Variants in DNER observed in about 807,000 individuals in gnomAD.
DNER encodes delta/notch like EGF repeat containing.
A neutral mutation model predicts 78.2 loss-of-function variants in DNER; 33 were observed. The observed-to-expected ratio is 0.42, with a 90% CI of 0.32 to 0.56. The LOEUF is 0.56. Among genes scored for constraint, DNER ranks in the 20% least tolerant of loss-of-function variants. The pLI is 0.11. For synonymous variants in DNER, 417 were observed against 384.8 expected, an observed-to-expected ratio of 1.08 and a Z score of -0.98; for missense variants, 918 against 975.3, an observed-to-expected ratio of 0.94 and a Z score of 0.78.
chr2:229,384,069 C>A lies in DNER; in HGVS notation c.1855+4196G>T, dbSNP rs563766660. On this transcript the variant is annotated intron_variant, in intron 11 of 12. Transcript: ENST00000341772. ...AATCATAAGAAACAGTCTCTCAGAC[C>A]ACAGTGCAATCAAATTAGAACTCAG... Among the ~76,000 whole-genome samples, 315 of 152,314 alleles carry A rather than the reference C, an allele frequency of 2.1e-3. 2 individuals are homozygous for A. The highest frequency in any genetic ancestry group is 7.0e-3 in the African/African-American group (290 of 41,570).
chr2:229,482,351 G>T (rs1031003670), intron 6 of DNER, among the ~76,000 whole-genome samples: 5 of 152,172 alleles, frequency 3.3e-5, no homozygotes, highest in African/African-American at 1.2e-4. Context: ...TAGCCAAAGA[G>T]ATCCTTTTAA....
intron 8 of DNER, among the ~76,000 whole-genome samples, chr2:229,442,697 A>C (rs932228828): frequency 6.6e-6 from 1 of 152,146 alleles, no homozygotes; most frequent in Non-Finnish European, 1.5e-5. Context: ...TTGCTATTAA[A>C]ATCCTGACCA....
At chr2:229,387,052 A>T (rs1311277540) in intron 11 of DNER, among the ~76,000 whole-genome samples, 1 of 152,218 alleles carries the variant, frequency 6.6e-6, no homozygotes, top group Non-Finnish European at 1.5e-5. Context: ...CATTGTTCAC[A>T]ACAGCAAAGA....
intron 8 of DNER, among the ~76,000 whole-genome samples, chr2:229,434,467 G>A (rs1694079404): frequency 6.6e-6 from 1 of 152,154 alleles, no homozygotes; most frequent in Admixed American, 6.6e-5. Context: ...ATTCAGCCTT[G>A]ATGCAACTGG....
chr2:229,411,056 G>A (rs190008534), intron 9 of DNER, among the ~76,000 whole-genome samples: 10 of 152,128 alleles, frequency 6.6e-5, no homozygotes, highest in East Asian at 5.8e-4. Flanking sequence ...CAGTCTGCTC[G>A]TCTGGTTAAA....
chr2:229,545,791 C>T (rs1373624365), intron 5 of DNER, among the ~76,000 whole-genome samples: 7 of 152,082 alleles, frequency 4.6e-5, no homozygotes, highest in Admixed American at 3.3e-4. Context: ...TTTCTGATGC[C>T]GGCTCCACAA....
At chr2:229,490,354 G>A (rs769429285) in intron 6 of DNER, among the ~76,000 whole-genome samples, 6 of 152,120 alleles carry the variant, frequency 3.9e-5, no homozygotes, top group Non-Finnish European at 8.8e-5. Context: ...GCGCATAAAG[G>A]GATAAACAAA....
At chr2:229,479,832 G>C (rs1048322309) in intron 6 of DNER, among the ~76,000 whole-genome samples, 2 of 151,926 alleles carry the variant, frequency 1.3e-5, no homozygotes, top group African/African-American at 4.8e-5. Flanking sequence ...TCAAATCCCT[G>C]ACTTTAAAGA....
At chr2:229,670,623 A>C (rs1011578502) in intron 1 of DNER, among the ~76,000 whole-genome samples, 1 of 152,246 alleles carries the variant, frequency 6.6e-6, no homozygotes, top group Non-Finnish European at 1.5e-5. Flanking sequence ...GGTAAGTCAA[A>C]ACTTTGTCTA....
chr2:229,360,557 C>T (rs563118844), intron 12 of DNER, among the ~76,000 whole-genome samples: 5 of 152,246 alleles, frequency 3.3e-5, no homozygotes, highest in African/African-American at 9.6e-5. Flanking sequence ...GGACTACAGG[C>T]GCCCGCCACC....
intron 5 of DNER, among the ~76,000 whole-genome samples, chr2:229,524,709 T>C (rs1443145077): frequency 6.6e-6 from 1 of 152,086 alleles, no homozygotes; most frequent in Non-Finnish European, 1.5e-5. Context: ...AAGAATCAAA[T>C]GCTGAAACAG....
intron 1 of DNER, among the ~76,000 whole-genome samples, chr2:229,602,468 A>C (rs1041285658): frequency 6.6e-6 from 1 of 152,204 alleles, no homozygotes; most frequent in African/African-American, 2.4e-5. Flanking sequence ...TGAGCACTGC[A>C]CTAAAGGTCC....
At chr2:229,366,238 A>G (rs911648167) in intron 12 of DNER, among the ~76,000 whole-genome samples, 3 of 152,208 alleles carry the variant, frequency 2.0e-5, no homozygotes, top group African/African-American at 7.2e-5. Flanking sequence ...TGACTCTCCA[A>G]GGAGGGAGAG....
chr2:229,677,704 A>G (rs1699319852), intron 1 of DNER, among the ~76,000 whole-genome samples: 1 of 152,236 alleles, frequency 6.6e-6, no homozygotes, highest in African/African-American at 2.4e-5. Flanking sequence ...TCAAAGTGTT[A>G]CTGTCTCTAA....
intron 8 of DNER, among the ~76,000 whole-genome samples, chr2:229,431,055 T>C (rs765771595): frequency 1.3e-5 from 2 of 152,188 alleles, no homozygotes; most frequent in Admixed American, 6.5e-5. Flanking sequence ...CTTTTTAATA[T>C]GCAGAAAAGA....
At chr2:229,639,952 A>C (rs1254803217) in intron 1 of DNER, among the ~76,000 whole-genome samples, 2 of 152,210 alleles carry the variant, frequency 1.3e-5, no homozygotes, top group African/African-American at 2.4e-5. Context: ...CTCCATTTGA[A>C]CTTGGATCTT....
At chr2:229,599,914 G>A (rs1266834514) in intron 1 of DNER, among the ~76,000 whole-genome samples, 2 of 152,142 alleles carry the variant, frequency 1.3e-5, no homozygotes, top group Non-Finnish European at 2.9e-5. Flanking sequence ...AAAGGAGGGA[G>A]GGAGGAAAAC....
intron 5 of DNER, among the ~76,000 whole-genome samples, chr2:229,518,874 C>T (rs1696036373): frequency 6.6e-6 from 1 of 152,032 alleles, no homozygotes; most frequent in Non-Finnish European, 1.5e-5. Flanking sequence ...AGAAAATTCA[C>T]TCATTTAAGT....
chr2:229,378,553 G>C (rs369437087), intron 11 of DNER, among the ~76,000 whole-genome samples: 30 of 152,280 alleles, frequency 2.0e-4, no homozygotes, highest in African/African-American at 6.3e-4. Context: ...CGAGTTAATG[G>C]AAGCCTCCTT....
Sources: allele counts gnomAD v4.1 joint callset (sites outside exome capture counted in the v4.1 genomes callset), GRCh38; gene constraint gnomAD v4.1.1; transcripts MANE v1.5; gene names NCBI Gene and HGNC (gene_info 2026-07-23, HGNC 2026-07-21).